Variants in FHIT observed in about 807,000 individuals in gnomAD.
FHIT encodes the protein fragile histidine triad diadenosine triphosphatase, also known as bis(5'-adenosyl)-triphosphatase.
Under a neutral mutation model 17.9 loss-of-function variants are expected in FHIT, and 19 were observed. The observed-to-expected ratio is 1.06, with a 90% CI of 0.74 to 1.56. The LOEUF (loss-of-function observed/expected upper bound fraction) is 1.56. Ranked by LOEUF, FHIT falls within the 40% of genes most tolerant of loss-of-function variation. The pLI is 0.00. For synonymous variants in FHIT, 81 were observed against 69.7 expected (o/e 1.16, Z -0.81); for missense variants, 248 against 189.2 (o/e 1.31, Z -1.82).
chr3:60,692,176 A>C (rs962121444), intron 4 of FHIT, among the ~76,000 whole-genome samples: 1 of 152,156 alleles, frequency 6.6e-6, no homozygotes, highest in Non-Finnish European at 1.5e-5. Context: ...ATTATGAAAA[A>C]CAACAATCCC....
chr3:60,573,676 G>C (rs943336063), intron 4 of FHIT, among the ~76,000 whole-genome samples: 1 of 152,148 alleles, frequency 6.6e-6, no homozygotes, highest in Non-Finnish European at 1.5e-5. Context: ...AGCTGCCTCC[G>C]TTCAAGGCTG....
At chr3:61,151,565 C>CTTTTCT (rs763943114) in intron 2 of FHIT, among the ~76,000 whole-genome samples, 3 of 50,556 alleles carry the variant, frequency 5.9e-5, no homozygotes, top group Non-Finnish European at 7.3e-5. Context: ...TTGTGATATT[C>CTTTTCT]TTTTCTTTTC....
chr3:60,756,896 A>T (rs782054954), intron 4 of FHIT, among the ~76,000 whole-genome samples: 11 of 152,188 alleles, frequency 7.2e-5, no homozygotes, highest in Non-Finnish European at 1.6e-4. Context: ...TCACCCAAAA[A>T]GTCAGCTGCA....
intron 5 of FHIT, among the ~76,000 whole-genome samples, chr3:60,235,741 C>T (rs991928968): frequency 6.6e-6 from 1 of 152,118 alleles, no homozygotes; most frequent in Admixed American, 6.5e-5. Flanking sequence ...AGAAAGAAAG[C>T]TGTCATGCTT....
chr3:60,006,765 AAG>A (rs1699942152), intron 7 of FHIT, among the ~76,000 whole-genome samples: 1 of 152,132 alleles, frequency 6.6e-6, no homozygotes, highest in Non-Finnish European at 1.5e-5. Flanking sequence ...TCTGATGCCA[AAG>A]TATGTTAACT....
At chr3:60,754,747 T>C (rs9311779) in intron 4 of FHIT, among the ~76,000 whole-genome samples, 78,112 of 151,936 alleles carry the variant, frequency 0.51, 20,510 homozygotes, top group East Asian at 0.69. Flanking sequence ...CGTAACACAG[T>C]TGTTTTCAAC....
intron 5 of FHIT, among the ~76,000 whole-genome samples, chr3:60,032,141 G>A (rs1343776832): frequency 6.6e-6 from 1 of 152,132 alleles, no homozygotes; most frequent in Non-Finnish European, 1.5e-5. Context: ...CAAATTTGCT[G>A]TTAATACTGT....
chr3:59,970,151 A>T (rs1708110293), intron 7 of FHIT, among the ~76,000 whole-genome samples: 1 of 152,154 alleles, frequency 6.6e-6, no homozygotes, highest in Non-Finnish European at 1.5e-5. Flanking sequence ...GATGGTCTTT[A>T]TGAACAGATG....
intron 5 of FHIT, among the ~76,000 whole-genome samples, chr3:60,046,910 T>C (rs1457356220): frequency 6.6e-6 from 1 of 152,174 alleles, no homozygotes; most frequent in Non-Finnish European, 1.5e-5. Flanking sequence ...CTTTTACGCA[T>C]TACAAGATAA....
At chr3:60,461,807 C>T (rs2032486453) in intron 5 of FHIT, among the ~76,000 whole-genome samples, 1 of 152,120 alleles carries the variant, frequency 6.6e-6, no homozygotes, top group South Asian at 2.1e-4. Context: ...CCCAAACAAG[C>T]CATGCTCTTT....
intron 3 of FHIT, among the ~76,000 whole-genome samples, chr3:60,969,558 AT>A (rs1160457755): frequency 6.6e-6 from 1 of 152,126 alleles, no homozygotes; most frequent in Non-Finnish European, 1.5e-5. Flanking sequence ...TATCAGAAAT[AT>A]TTTTAATTTT....
chr3:60,274,997 T>C (rs1707054160), intron 5 of FHIT, among the ~76,000 whole-genome samples: 1 of 152,302 alleles, frequency 6.6e-6, no homozygotes, highest in East Asian at 1.9e-4. Context: ...TTTTTAAAAA[T>C]GATAGTCTCA....
chr3:60,381,639 C>T (rs1163710024), intron 5 of FHIT, among the ~76,000 whole-genome samples: 4 of 152,166 alleles, frequency 2.6e-5, no homozygotes, highest in African/African-American at 4.8e-5. Context: ...ATCTCTCTTT[C>T]GATAGTAGAG....
chr3:61,143,832 C>T (rs971246486), intron 2 of FHIT, among the ~76,000 whole-genome samples: 7 of 152,158 alleles, frequency 4.6e-5, no homozygotes, highest in Non-Finnish European at 8.8e-5. Flanking sequence ...TGCCACTACA[C>T]TCCAGATTGG....
At chr3:60,157,092 ATTT>A (rs1213288470) in intron 5 of FHIT, among the ~76,000 whole-genome samples, 8 of 152,144 alleles carry the variant, frequency 5.3e-5, no homozygotes, top group African/African-American at 1.4e-4. Flanking sequence ...ATTTATAAAT[ATTT>A]TTTATTTATA....
intron 5 of FHIT, among the ~76,000 whole-genome samples, chr3:60,041,356 G>GT (rs1165957192): frequency 6.6e-6 from 1 of 152,116 alleles, no homozygotes; most frequent in East Asian, 1.9e-4. Flanking sequence ...TGTCTTTTAT[G>GT]TTTTTTTCTT....
At chr3:60,683,147 C>T (rs1293635137) in intron 4 of FHIT, among the ~76,000 whole-genome samples, 2 of 152,076 alleles carry the variant, frequency 1.3e-5, no homozygotes, top group Non-Finnish European at 2.9e-5. Flanking sequence ...AAAATCTACT[C>T]CTGAAGAAGA....
intron 7 of FHIT, among the ~76,000 whole-genome samples, chr3:59,923,781 A>G (rs925237884): frequency 6.6e-6 from 1 of 152,152 alleles, no homozygotes; most frequent in Non-Finnish European, 1.5e-5. Flanking sequence ...AGAGAACGTA[A>G]GATTTAAGTG....
chr3:60,823,989 G>A (rs1439570527), intron 3 of FHIT, among the ~76,000 whole-genome samples: 2 of 152,162 alleles, frequency 1.3e-5, no homozygotes, highest in African/African-American at 4.8e-5. Flanking sequence ...AGAGTGGCAG[G>A]AAACCAGGTC....
Sources: allele counts gnomAD v4.1 joint callset (sites outside exome capture counted in the v4.1 genomes callset), GRCh38; gene constraint gnomAD v4.1.1; transcripts MANE v1.5; gene names NCBI Gene and HGNC (gene_info 2026-07-23, HGNC 2026-07-21).